The following ZBTB16 variants were observed in gnomAD, a reference collection of about 807,000 sequenced individuals.
The protein encoded by ZBTB16 is zinc finger and BTB domain-containing protein 16.
A neutral mutation model predicts 56.8 loss-of-function variants in ZBTB16; 8 were observed. That is an observed-to-expected ratio of 0.14 (90% CI 0.08 to 0.25). ZBTB16 has a LOEUF of 0.25. ZBTB16 is among the 10% of genes least tolerant of loss of function. The pLI is 1.00. For missense variants in ZBTB16, 625 were observed against 903.0 expected, an observed-to-expected ratio of 0.69 and a Z score of 3.95; for synonymous variants, 363 against 368.5, an observed-to-expected ratio of 0.98 and a Z score of 0.17.
intron 2 of ZBTB16, among the ~76,000 whole-genome samples, chr11:114,076,153 G>A (rs988294699): frequency 2.6e-5 from 4 of 152,286 alleles, no homozygotes; most frequent in Non-Finnish European, 5.9e-5. Flanking sequence ...GGCCGCTGGG[G>A]GAAGGGTTTG....
chr11:114,181,777 G>T (rs184202544), intron 3 of ZBTB16, among the ~76,000 whole-genome samples: 1 of 152,104 alleles, frequency 6.6e-6, no homozygotes, highest in Admixed American at 6.5e-5. Context: ...AGGGTCTAGC[G>T]CACTTTATCT....
intron 3 of ZBTB16, among the ~76,000 whole-genome samples, chr11:114,180,312 C>T (rs928649173): frequency 2.0e-5 from 3 of 152,150 alleles, no homozygotes; most frequent in Admixed American, 6.5e-5. Flanking sequence ...CAAGGATGTC[C>T]GCCTGTCTCT....
intron 3 of ZBTB16, among the ~76,000 whole-genome samples, chr11:114,160,380 T>C (rs1320094011): frequency 6.6e-6 from 1 of 152,220 alleles, no homozygotes; most frequent in East Asian, 1.9e-4. Context: ...CAGACGGAGC[T>C]CCGGCTTGTT....
At chr11:114,196,486 G>T (rs1943614986) in intron 4 of ZBTB16, among the ~76,000 whole-genome samples, 2 of 152,156 alleles carry the variant, frequency 1.3e-5, no homozygotes, top group African/African-American at 2.4e-5. Flanking sequence ...GGTTGAACTA[G>T]ACCCTAGACT....
chr11:114,101,298 C>T (rs898962146), intron 2 of ZBTB16, among the ~76,000 whole-genome samples: 4 of 151,966 alleles, frequency 2.6e-5, no homozygotes, highest in East Asian at 1.9e-4. Context: ...AGCCACAGCG[C>T]GAGGCCTTGT....
chr11:114,175,048 T>C (rs555940487), intron 3 of ZBTB16, among the ~76,000 whole-genome samples: 1 of 152,358 alleles, frequency 6.6e-6, no homozygotes, highest in South Asian at 2.1e-4. Flanking sequence ...GAGCCTTGGT[T>C]TCTTCACCTG....
In ZBTB16 at chr11:114,177,171, T is replaced by G. The variant is rs80294653; in HGVS notation, c.1367-9781T>G. Among the ~76,000 whole-genome samples the G allele has an allele frequency of 4.8e-3, 724 of 152,332 alleles. 2 individuals carry two copies. The highest frequency in any genetic ancestry group is 0.016 in the African/African-American group (681 of 41,576). Reference sequence around the variant, plus strand: ...CAGGTACTTCATATAGTTTCTTGTTTAAGCTATCATATGAGGATGAATAGC... The same window carrying G: ...CAGGTACTTCATATAGTTTCTTGTTGAAGCTATCATATGAGGATGAATAGC... On this transcript the variant is annotated intron_variant, in intron 3 of 6. Transcript: ENST00000335953.
At chr11:114,176,002 CGTGCGTGTGT>C (rs1943103828) in intron 3 of ZBTB16, among the ~76,000 whole-genome samples, 1 of 142,048 alleles carries the variant, frequency 7.0e-6, no homozygotes, top group Admixed American at 7.0e-5. Context: ...TGTGTGTGTG[CGTGCGTGTGT>C]GTGTGTGTGT....
rs955946076 is a variant in ZBTB16 at position 114,188,145 on chromosome 11, A to G, written c.1453+1107A>G. 2.6e-5 allele frequency: 4 copies of G among 152,652 alleles called. No individual in the cohort carries two copies. In the East Asian group the frequency reaches 7.7e-4, roughly 29 times the overall value. 9.5% of individuals were successfully genotyped at this position (152,652 alleles called of 1,614,324 possible). On this transcript the variant is annotated intron_variant, in intron 4 of 6. Coordinates refer to ENST00000335953, the MANE Select transcript of ZBTB16 (RefSeq NM_006006.6). The stretch of plus-strand genomic sequence containing the variant: ...GGACCACCCTCCTGTACTCCGCTGT[A>G]TGTGAAAAGGTTGTCTTCCATAAAA...
chr11:114,246,825 G>A (rs74788840), intron 5 of ZBTB16: 2 of 284,426 alleles, frequency 7.0e-6, no homozygotes, highest in Non-Finnish European at 1.4e-5. Context: ...AGTCAGGCTG[G>A]AGTGACTTTC....
At chr11:114,227,290 C>T (rs928762241) in intron 4 of ZBTB16, among the ~76,000 whole-genome samples, 1 of 152,196 alleles carries the variant, frequency 6.6e-6, no homozygotes. Context: ...CCCCCACCAT[C>T]CACCTCCTGG....
At chr11:114,086,779 G>A (rs1238242181) in intron 2 of ZBTB16, among the ~76,000 whole-genome samples, 1 of 152,204 alleles carries the variant, frequency 6.6e-6, no homozygotes, top group African/African-American at 2.4e-5. Flanking sequence ...CAACTCTGTT[G>A]ATGCTGTTCT....
chr11:114,199,142 C>A (rs972872886), intron 4 of ZBTB16, among the ~76,000 whole-genome samples: 2 of 152,086 alleles, frequency 1.3e-5, no homozygotes, highest in Non-Finnish European at 2.9e-5. Flanking sequence ...GACCTGGGAC[C>A]GGGATGCCAG....
At chr11:114,174,884 G>A (rs1427923943) in intron 3 of ZBTB16, among the ~76,000 whole-genome samples, 1 of 152,168 alleles carries the variant, frequency 6.6e-6, no homozygotes, top group Non-Finnish European at 1.5e-5. Context: ...CAGGGAAGAG[G>A]CAGGGTTCAG....
intron 4 of ZBTB16, among the ~76,000 whole-genome samples, chr11:114,213,439 A>C (rs1006943265): frequency 6.6e-6 from 1 of 152,158 alleles, no homozygotes; most frequent in African/African-American, 2.4e-5. Flanking sequence ...CTCCATTCCC[A>C]TTCACATTAA....
At chr11:114,175,986 T>TGTGTGTGTGTGTGCGTGC (rs1943102329) in intron 3 of ZBTB16, among the ~76,000 whole-genome samples, 1 of 151,260 alleles carries the variant, frequency 6.6e-6, no homozygotes, top group South Asian at 2.1e-4. Context: ...GGGGTGTGTG[T>TGTGTGTGTGTGTGCGTGC]GTGTGTGTGT....
intron 2 of ZBTB16, among the ~76,000 whole-genome samples, chr11:114,086,248 C>G (rs541535070): frequency 1.3e-5 from 2 of 152,156 alleles, no homozygotes; most frequent in Admixed American, 1.3e-4. Context: ...GGATTTGGAA[C>G]GGAAGTGCTT....
At chr11:114,157,096 T>C (rs1241836669) in intron 3 of ZBTB16, among the ~76,000 whole-genome samples, 4 of 148,278 alleles carry the variant, frequency 2.7e-5, no homozygotes, top group Non-Finnish European at 5.9e-5. Context: ...GTGCATAGTC[T>C]CTTCCCTTTA....
intron 4 of ZBTB16, among the ~76,000 whole-genome samples, chr11:114,197,857 G>A (rs1469181196): frequency 6.6e-6 from 1 of 152,140 alleles, no homozygotes; most frequent in African/African-American, 2.4e-5. Flanking sequence ...CCTGCCCTGA[G>A]CTTGGCACGA....
Sources: allele counts gnomAD v4.1 joint callset (sites outside exome capture counted in the v4.1 genomes callset), GRCh38; gene constraint gnomAD v4.1.1; transcripts MANE v1.5; gene names NCBI Gene and HGNC (gene_info 2026-07-23, HGNC 2026-07-21).